Variants in AK6 observed in about 807,000 individuals in gnomAD.
The protein encoded by AK6 is adenylate kinase isoenzyme 6.
A neutral mutation model predicts 23.7 loss-of-function variants in AK6; 24 were observed. That is an observed-to-expected ratio of 1.01 (90% CI 0.73 to 1.43). The LOEUF is 1.43. AK6 is among the 40% of genes most tolerant of loss of function. AK6 has a pLI of 0.00. For synonymous variants in AK6, 73 were observed against 69.8 expected, an observed-to-expected ratio of 1.05 and a Z score of -0.23; for missense variants, 191 against 199.1, an observed-to-expected ratio of 0.96 and a Z score of 0.24.
At chr5:69,360,847 T>C (rs920265834) in intron 2 of AK6, among the ~76,000 whole-genome samples, 1 of 152,148 alleles carries the variant, frequency 6.6e-6, no homozygotes, top group Non-Finnish European at 1.5e-5. Flanking sequence ...TCAGAAGTCA[T>C]ACAAAAACAA....
chr5:69,367,464 C>T (rs758172643), intron 1 of AK6, among the ~76,000 whole-genome samples: 1 of 147,380 alleles, frequency 6.8e-6, no homozygotes, highest in Non-Finnish European at 1.5e-5. Flanking sequence ...GAGCCAAGAT[C>T]GCGCCACAGC....
At chr5:69,355,528 C>CA (rs369992131) in intron 4 of AK6, 121 bp downstream of exon 4, 14 of 1,174,164 alleles carry the variant, frequency 1.2e-5, no homozygotes, top group South Asian at 1.7e-5. Context: ...GACTCTATCT[C>CA]AAAAAAACAA....
chr5:69,357,916 T>C (rs1762123535), intron 2 of AK6, among the ~76,000 whole-genome samples: 1 of 152,072 alleles, frequency 6.6e-6, no homozygotes, highest in African/African-American at 2.4e-5. Context: ...TTAATAAGTA[T>C]TAGAGTTATA....
At chr5:69,369,389 G>A in intron 1 of AK6, 74 bp downstream of exon 1, 1 of 1,550,380 alleles carries the variant, frequency 6.5e-7, no homozygotes, top group Non-Finnish European at 8.7e-7. Flanking sequence ...GCCCCCACCT[G>A]GGCGCCCGAT....
chr5:69,360,627 G>GA (rs1466231390), intron 2 of AK6, among the ~76,000 whole-genome samples: 2 of 152,154 alleles, frequency 1.3e-5, no homozygotes, highest in Non-Finnish European at 2.9e-5. Context: ...AATCATGGGG[G>GA]AAACAGGTGG....
rs1378209277 is a variant in AK6, at chr5:69,352,172, G to A, written c.408C>T (p.Tyr136=). Residue 136 remains tyrosine (Y), a synonymous_variant, in exon 5 of 5, where the codon TAC becomes TAT. Coordinates refer to ENST00000380822, the MANE Select transcript of AK6 (RefSeq NM_016283.5). ...QVLYEEATAS[Y]KEEIVHQLPS... Reference sequence around the variant, plus strand: ...GCAGCTGATGCACGATTTCTTCCTTGTAGGATGCTGTGGCTTCTTCATAAA... The same window carrying A: ...GCAGCTGATGCACGATTTCTTCCTTATAGGATGCTGTGGCTTCTTCATAAA... 3 of 1,613,888 alleles carry A rather than the reference G, an allele frequency of 1.9e-6. No individual in the cohort carries two copies. The highest frequency in any genetic ancestry group is 1.3e-5 in the African/African-American group (1 of 75,040).
At chr5:69,366,650 C>A in intron 1 of AK6, 55 bp from the exon 2 acceptor site, 1 of 1,241,586 alleles carries the variant, frequency 8.1e-7, no homozygotes, top group Non-Finnish European at 1.2e-6. Flanking sequence ...TATCACACTG[C>A]GGTCCACCTT....
intron 4 of AK6, 105 bp downstream of exon 4, chr5:69,355,544 A>C: frequency 7.6e-7 from 1 of 1,308,096 alleles, no homozygotes; most frequent in Non-Finnish European, 1.0e-6. Flanking sequence ...AACAAAACAA[A>C]ACAAAACAAA....
chr5:69,358,896 T>A (rs1367007053), intron 2 of AK6, among the ~76,000 whole-genome samples: 2 of 152,114 alleles, frequency 1.3e-5, no homozygotes, highest in Non-Finnish European at 1.5e-5. Context: ...TTTATTTTTT[T>A]AAATTCCAGG....
chr5:69,369,808 C>T (rs1580338094), upstream of AK6: 1 of 1,188,788 alleles, frequency 8.4e-7, no homozygotes, highest in Non-Finnish European at 1.2e-6. Context: ...TGGAAGGTCC[C>T]CGGGAGGCCG....
chr5:69,365,081 G>A (rs568680612), intron 2 of AK6: 12 of 1,614,180 alleles, frequency 7.4e-6, no homozygotes, highest in East Asian at 6.7e-5. Flanking sequence ...TTTTGGACCC[G>A]ATTAATGATG....
chr5:69,356,501 A>T (rs1762088381), intron 2 of AK6, among the ~76,000 whole-genome samples: 1 of 151,668 alleles, frequency 6.6e-6, no homozygotes. Context: ...AAAAAAAAAA[A>T]TTAGGCAGGC....
chr5:69,366,430 C>T, intron 2 of AK6, 73 bp downstream of exon 2: 2 of 1,169,062 alleles, frequency 1.7e-6, no homozygotes, highest in Non-Finnish European at 2.5e-6. Context: ...TATGACAATA[C>T]CCAGCACTAA....
chr5:69,360,712 CT>C (rs1762209227), intron 2 of AK6, among the ~76,000 whole-genome samples: 1 of 152,066 alleles, frequency 6.6e-6, no homozygotes, highest in African/African-American at 2.4e-5. Context: ...GTTTCCAAGG[CT>C]TCCAGTGGGA....
chr5:69,367,490 CA>C (rs1270067868), intron 1 of AK6, among the ~76,000 whole-genome samples: 9 of 131,336 alleles, frequency 6.9e-5, no homozygotes, highest in African/African-American at 2.5e-4. Context: ...AGCCTGGCGA[CA>C]GAGACTCCAT....
chr5:69,351,489 CT>C lies in AK6; in HGVS notation c.*571del, dbSNP rs1383166528. ...AGTGTGCATAATATACTGTTATATT[CT>C]TTAAAAAATGTACACATGTACATAT... On this transcript the variant is annotated 3_prime_UTR_variant, in exon 5 of 5. Transcript: ENST00000380822. 1 of 152,094 alleles carries C rather than the reference CT, an allele frequency of 6.6e-6. No individual in the cohort carries two copies. The highest frequency in any genetic ancestry group is 1.5e-5 in the Non-Finnish European group (1 of 68,042). The allele number at this position is 152,094 out of a possible 1,614,324, so 9.4% of individuals were successfully genotyped here.
chr5:69,365,318 C>T (rs760201873), intron 2 of AK6: 16 of 1,614,028 alleles, frequency 9.9e-6, no homozygotes, highest in South Asian at 2.2e-5. Flanking sequence ...TTATTCTTCC[C>T]GCAGAAGTTG....
chr5:69,369,799 G>C (rs566173780), upstream of AK6: 1,169 of 1,298,318 alleles, frequency 9.0e-4, 7 homozygotes, highest in Non-Finnish European at 2.9e-4. Context: ...CGACCAGTCT[G>C]GAAGGTCCCC....
intron 2 of AK6, chr5:69,365,871 T>A: frequency 1.5e-6 from 1 of 682,918 alleles, no homozygotes; most frequent in Non-Finnish European, 2.2e-6. Context: ...AAAAAATTTT[T>A]AAAATTTAAA....
Sources: allele counts gnomAD v4.1 joint callset (sites outside exome capture counted in the v4.1 genomes callset), GRCh38; gene constraint gnomAD v4.1.1; transcripts MANE v1.5; gene names NCBI Gene and HGNC (gene_info 2026-07-23, HGNC 2026-07-21).